The following FBN3 variants were observed in gnomAD, a reference collection of about 807,000 sequenced individuals.
The protein encoded by FBN3 is fibrillin-3.
FBN3 carries 234 observed loss-of-function variants against 330.1 expected under a neutral mutation model. The ratio of observed to expected loss-of-function variants is 0.71; its 90% confidence interval spans 0.64 to 0.79. The LOEUF (loss-of-function observed/expected upper bound fraction) is 0.79. Among genes scored for constraint, FBN3 ranks in the 30% least tolerant of loss-of-function variants. The pLI, the probability that FBN3 is intolerant of heterozygous loss-of-function variation, is 0.00. For synonymous variants in FBN3, 1,458 were observed against 1,517.3 expected (o/e 0.96, Z 0.91); for missense variants, 3,606 against 3,886.9 (o/e 0.93, Z 1.92).
chr19:8,082,006 C>T (rs902929666), intron 57 of FBN3, among the ~76,000 whole-genome samples: 19 of 152,064 alleles, frequency 1.2e-4, no homozygotes, highest in African/African-American at 4.6e-4. Flanking sequence ...TTTCATCACC[C>T]AGGCTGGAAT....
chr19:8,092,705 ACC>A (rs1439310612), intron 47 of FBN3, among the ~76,000 whole-genome samples: 2 of 40,252 alleles, frequency 5.0e-5, no homozygotes, highest in Non-Finnish European at 8.9e-5. Flanking sequence ...GTGAGACTCC[ACC>A]AAAAAAAAAA....
chr19:8,070,223 C>A (rs1333489582), intron 63 of FBN3, among the ~76,000 whole-genome samples: 1 of 152,140 alleles, frequency 6.6e-6, no homozygotes, highest in Non-Finnish European at 1.5e-5. Context: ...TATAGAAAGC[C>A]TCTCAAGCCC....
chr19:8,121,281 AAGCCACTCTCGT>A lies in FBN3; in HGVS notation c.3176_3187del (p.Tyr1059_Gly1062del). On this transcript the variant is annotated inframe_deletion, in exon 25 of 64. Coordinates refer to ENST00000600128, the MANE Select transcript of FBN3 (RefSeq NM_032447.5). The surrounding 1 kb of genome is among the most constrained non-coding windows in gnomAD (Gnocchi z 4.5). ...ACCCATGCAGTTCTTCATCAGCATG[AAGCCACTCTCGT>A]AGCCGGGAAAACACTCGCACTCAAA... The A allele has an allele frequency of 1.2e-6, 2 of 1,611,004 alleles. No individual in the cohort carries two copies. Among genetic ancestry groups the A allele is most frequent in the Non-Finnish European group, 1.7e-6 (2 of 1,178,278 alleles).
Position 8,083,258 on chromosome 19 carries a change from G to A in FBN3, c.7202C>T (p.Thr2401Ile). Reference sequence around the variant, plus strand: ...AGGGCTGGGCTCACCCAGGCAGGTAGTAGCAGTAGCATCCGGTGTGTACCC... The same window carrying A: ...AGGGCTGGGCTCACCCAGGCAGGTAATAGCAGTAGCATCCGGTGTGTACCC... ...QAGYTPDATA[T>I]TCLDMDECSQ... The change falls in exon 57 of 64, where the codon ACT becomes ATT. Residue 2401 changes from threonine to isoleucine, a missense_variant. Physicochemically the swap from Thr to Ile is moderately conservative, Grantham distance 89. Coordinates refer to ENST00000600128, the MANE Select transcript of FBN3 (RefSeq NM_032447.5). The A allele has an allele frequency of 2.5e-6, 4 of 1,614,126 alleles. No homozygotes were observed. The highest frequency in any genetic ancestry group is 2.2e-5 in the South Asian group (2 of 91,088).
Position 8,066,221 on chromosome 19 carries a change from A to G in FBN3, c.8128T>C (p.Leu2710=), listed in dbSNP as rs777315852. 2 of 1,593,166 alleles carry G rather than the reference A, an allele frequency of 1.3e-6. No homozygotes were observed. Among genetic ancestry groups the G allele is most frequent in the African/African-American group, 1.3e-5 (1 of 74,232 alleles). Residue 2710 remains leucine (L), a synonymous_variant, in exon 64 of 64, where the codon TTG becomes CTG. Transcript: ENST00000600128. ...ATLDSEALLT[L]GLNLSHLGRA... is the part of the protein sequence containing the mutation. Reference sequence around the variant, plus strand: ...CCCAGGTGTGAGAGGTTCAGGCCCAAGGTCAGCAGGGCCTCGGAGTCAAGG... The same window carrying G: ...CCCAGGTGTGAGAGGTTCAGGCCCAGGGTCAGCAGGGCCTCGGAGTCAAGG...
At chr19:8,095,888 T>A in intron 45 of FBN3, 76 bp downstream of exon 45, 2 of 908,672 alleles carry the variant, frequency 2.2e-6, no homozygotes, top group South Asian at 2.8e-5. Flanking sequence ...CATCTTTCTG[T>A]GGCCAATTTC....
At position 8,075,183 on chromosome 19, in the gene FBN3, A is replaced by T. The variant is rs1296803322; in HGVS notation, c.7590T>A (p.Asn2530Lys). Residue 2530 changes from asparagine to lysine, a missense_variant, in exon 61 of 64, where the codon AAT becomes AAA. By Grantham distance (94) the Asn-to-Lys change is moderately conservative. Transcript: ENST00000600128. ...GGCAGCGGTGGGGCCCATCACATTC[A>T]TTCACATCTGAGACATAGAGAGAGG... is the stretch of plus-strand genomic sequence containing the variant. ...VSSGHGCEDV[N>K]ECDGPHRCQH... 6 of 1,568,220 alleles carry T rather than the reference A, an allele frequency of 3.8e-6. No homozygotes were observed. Among genetic ancestry groups the T allele is most frequent in the Admixed American group, 1.8e-5 (1 of 54,892 alleles).
Position 8,096,831 on chromosome 19 carries a change from A to G in FBN3, c.5413+50T>C, listed in dbSNP as rs1426651430. 3.1e-6 allele frequency: 5 copies of G among 1,600,168 alleles called. No homozygotes were observed. The South Asian group carries it at 4.4e-5, about 14-fold the overall frequency. ...AGAGCCATACCCCATCTAAGTCCCC[A>G]TGGGTGACAGAGCCCAGCTCCCTCA... On this transcript the variant is annotated intron_variant, in intron 43 of 63. Transcript: ENST00000600128. The surrounding 1 kb of genome is among the most constrained non-coding windows in gnomAD (Gnocchi z 4.6).
rs1400409319 is a variant in FBN3, at chr19:8,117,511, G to A, written c.3416C>T (p.Ser1139Phe). 7 of 1,559,562 alleles carry A rather than the reference G, an allele frequency of 4.5e-6. No homozygotes were observed. The highest frequency in any genetic ancestry group is 6.1e-6 in the Non-Finnish European group (7 of 1,151,388). ...CVNVIGAFQCSCHAGFQSTPD... is the reference protein window; with the variant it reads ...CVNVIGAFQCFCHAGFQSTPD... Reference sequence around the variant, plus strand: ...TGTGCTCTGGAAGCCGGCATGGCAGGAGCACTGGAAGGCACCGATGACATT... The same window carrying A: ...TGTGCTCTGGAAGCCGGCATGGCAGAAGCACTGGAAGGCACCGATGACATT... Residue 1139 changes from serine to phenylalanine, a missense_variant, in exon 27 of 64, where the codon TCC (serine) becomes TTC (phenylalanine). Transcript: ENST00000600128.
chr19:8,101,026 G>A lies in FBN3; in HGVS notation c.5090-54C>T, dbSNP rs372510024. 7.6e-5 allele frequency: 111 copies of A among 1,458,804 alleles called. No individual in the cohort carries two copies. The Admixed American group carries it at 9.7e-4, about 13-fold the overall frequency. The allele number at this position is 1,458,804 out of a possible 1,614,324, so 90.4% of individuals were successfully genotyped here. On this transcript the variant is annotated intron_variant, in intron 40 of 63. Transcript: ENST00000600128. ...GGGGCTGCAGGCCTGACCCCAGCCCGCTCCCAATCTGGAGGGGACACCTCA... is the reference window on the plus strand; with the variant it reads ...GGGGCTGCAGGCCTGACCCCAGCCCACTCCCAATCTGGAGGGGACACCTCA...
At chr19:8,089,298 T>G (rs1462843894) in intron 51 of FBN3, among the ~76,000 whole-genome samples, 1 of 151,906 alleles carries the variant, frequency 6.6e-6, no homozygotes, top group Non-Finnish European at 1.5e-5. Flanking sequence ...AATGAATGAG[T>G]CAGTAAATGA....
intron 57 of FBN3, among the ~76,000 whole-genome samples, chr19:8,082,648 C>T (rs1221992977): frequency 6.6e-6 from 1 of 152,040 alleles, no homozygotes; most frequent in East Asian, 1.9e-4. Flanking sequence ...CATGCACCAG[C>T]ACGTGCAGCT....
Position 8,065,936 on chromosome 19 carries a change from G to A in FBN3, c.8413C>T (p.Gln2805Ter), listed in dbSNP as rs755009160. Residue 2805 changes from glutamine to a stop codon, truncating the protein, a stop_gained, in exon 64 of 64, where the codon CAG becomes TAG. Coordinates refer to ENST00000600128, the MANE Select transcript of FBN3 (RefSeq NM_032447.5). LOFTEE classifies it high-confidence loss of function. ...CCTCCCAACTAAAGCAACTGCAGCT[G>A]CACCTTCAGCCTCAAGGCCTGGCCC... Reference protein sequence around the residue: ...PWGQALRLKVQLQLL With the variant: ...PWGQALRLKV The A allele has an allele frequency of 1.9e-6, 3 of 1,585,744 alleles. No individual in the cohort carries two copies. The highest frequency in any genetic ancestry group is 2.6e-6 in the Non-Finnish European group (3 of 1,164,450).
chr19:8,096,832 T>G lies in FBN3; in HGVS notation c.5413+49A>C. 1.2e-6 allele frequency: 2 copies of G among 1,600,186 alleles called. No individual in the cohort carries two copies. The highest frequency in any genetic ancestry group is 1.7e-6 in the Non-Finnish European group (2 of 1,174,956). ...GAGCCATACCCCATCTAAGTCCCCA[T>G]GGGTGACAGAGCCCAGCTCCCTCAC... On this transcript the variant is annotated intron_variant, in intron 43 of 63. Transcript: ENST00000600128. This position sits in a 1 kb window ranked among gnomAD's most constrained non-coding sequence, Gnocchi z 4.6.
chr19:8,138,477 C>T lies in FBN3; in HGVS notation c.953G>A (p.Cys318Tyr), dbSNP rs759858957. The change falls in exon 9 of 64, where the codon TGC becomes TAC. Residue 318 changes from cysteine (C) to tyrosine (Y), a missense_variant. By Grantham distance (194) the Cys-to-Tyr change is radical (BLOSUM62 -2). Coordinates refer to ENST00000600128, the MANE Select transcript of FBN3 (RefSeq NM_032447.5). ...TGCCCAGCACCTGCCCCTGTCACAGCAGCACTGCCTGCGAGTGTAGTGGCC... is the reference window on the plus strand; with the variant it reads ...TGCCCAGCACCTGCCCCTGTCACAGTAGCACTGCCTGCGAGTGTAGTGGCC... ...LAGHYTRRQC[C>Y]CDRGRCWAAG... 4 of 1,613,318 alleles carry T rather than the reference C, an allele frequency of 2.5e-6. No individual in the cohort carries two copies. The highest frequency in any genetic ancestry group is 1.7e-5 in the Admixed American group (1 of 60,006).
At position 8,126,474 on chromosome 19, in the gene FBN3, C is replaced by G. The variant is rs143646344; in HGVS notation, c.2548G>C (p.Glu850Gln). The G allele has an allele frequency of 1.2e-6, 2 of 1,611,836 alleles. No homozygotes were observed. Among genetic ancestry groups the G allele is most frequent in the Non-Finnish European group, 1.7e-6 (2 of 1,179,154 alleles). ...GCCTCAAGGAGGATACTACCGATCT[C>G]GCAGCGTTCGCAGGGGCTCCCCCAG... ...AAWGSPCERC[E>Q]IDPACARGFA... The change falls in exon 20 of 64, where the codon GAG becomes CAG. Residue 850 changes from glutamate (E) to glutamine (Q), a missense_variant. Coordinates refer to ENST00000600128, the MANE Select transcript of FBN3 (RefSeq NM_032447.5).
chr19:8,099,395 C>G (rs1256900848), intron 41 of FBN3, among the ~76,000 whole-genome samples: 2 of 149,182 alleles, frequency 1.3e-5, no homozygotes, highest in Non-Finnish European at 3.0e-5. Context: ...ATTCTCCTGC[C>G]TCAGCCTCCC....
chr19:8,108,219 G>A lies in FBN3; in HGVS notation c.4638C>T (p.Cys1546=). Residue 1546 remains cysteine, a synonymous_variant, in exon 37 of 64, where the codon TGC becomes TGT. Coordinates refer to ENST00000600128, the MANE Select transcript of FBN3 (RefSeq NM_032447.5). ...MANTTEYRTL[C]PGGEGFQPNR... is the part of the protein sequence containing the mutation. ...TAGGCTGGAAGCCCTCACCACCCGG[G>A]CACAGGGTTCTGTACTCAGCTGTAA... The A allele has an allele frequency of 1.9e-6, 3 of 1,612,936 alleles. No homozygotes were observed. Among genetic ancestry groups the A allele is most frequent in the Non-Finnish European group, 2.5e-6 (3 of 1,179,514 alleles).
rs963673811 is a variant in FBN3, at chr19:8,086,414, C to T, written c.6755-89G>A. On this transcript the variant is annotated intron_variant, in intron 54 of 63. Transcript: ENST00000600128. ...CCCAAAGGGCCCCTTTGGATCTGCCCAGGCCCTCTTGCTTATTTTTATTTT... is the reference window on the plus strand; with the variant it reads ...CCCAAAGGGCCCCTTTGGATCTGCCTAGGCCCTCTTGCTTATTTTTATTTT... 10 of 678,344 alleles carry T rather than the reference C, an allele frequency of 1.5e-5. No homozygotes were observed. The African/African-American group carries it at 1.5e-4, about 10-fold the overall frequency. 42.0% of individuals were successfully genotyped at this position (678,344 alleles called of 1,614,324 possible).
Sources: allele counts gnomAD v4.1 joint callset (sites outside exome capture counted in the v4.1 genomes callset), GRCh38; gene constraint gnomAD v4.1.1; non-coding constraint Gnocchi (gnomAD v3.1); transcripts MANE v1.5; gene names NCBI Gene and HGNC (gene_info 2026-07-23, HGNC 2026-07-21).